The following PLAC9 variants were observed in gnomAD, a reference collection of about 807,000 sequenced individuals.
The protein encoded by PLAC9 is placenta-specific protein 9.
In PLAC9, 12 loss-of-function variants were observed where a neutral mutation model predicts 11.5. The observed-to-expected ratio is 1.05, with a 90% confidence interval of 0.67 to 1.69. The LOEUF is 1.69. PLAC9 is among the 40% of genes most tolerant of loss of function. The pLI is 0.00. For synonymous variants in PLAC9, 62 were observed against 58.1 expected (o/e 1.07, Z -0.31); for missense variants, 132 against 130.5 (o/e 1.01, Z -0.06).
At chr10:80,139,037 T>C (rs930740454) in intron 1 of PLAC9, among the ~76,000 whole-genome samples, 4 of 149,890 alleles carry the variant, frequency 2.7e-5, no homozygotes, top group South Asian at 2.1e-4. Context: ...CTGCAAGCTC[T>C]GCCTCCCGGG....
At chr10:80,138,430 T>C (rs1399767259) in intron 1 of PLAC9, among the ~76,000 whole-genome samples, 1 of 152,200 alleles carries the variant, frequency 6.6e-6, no homozygotes, top group Non-Finnish European at 1.5e-5. Context: ...CCATTATCTT[T>C]TGAAGAGTAT....
intron 1 of PLAC9, among the ~76,000 whole-genome samples, chr10:80,136,209 G>A (rs1844973287): frequency 6.6e-6 from 1 of 152,278 alleles, no homozygotes; most frequent in South Asian, 2.1e-4. Context: ...AGCACAGGAT[G>A]CCCCACCCAT....
intron 1 of PLAC9, among the ~76,000 whole-genome samples, chr10:80,141,599 A>AAAACAAAC (rs3834751): frequency 6.6e-6 from 1 of 151,746 alleles, no homozygotes; most frequent in East Asian, 1.9e-4. Flanking sequence ...ACTCCATCTC[A>AAAACAAAC]AAACAAACAA....
upstream of PLAC9, chr10:80,132,528 C>T (rs546227396): frequency 4.3e-4 from 185 of 434,770 alleles, 1 homozygote; most frequent in African/African-American, 3.5e-3. Context: ...GCCCCTTCCT[C>T]GGGAGGCGCC....
chr10:80,134,261 CTTTCT>C (rs1013360187), intron 1 of PLAC9, among the ~76,000 whole-genome samples: 8 of 140,920 alleles, frequency 5.7e-5, no homozygotes, highest in East Asian at 2.0e-4. Context: ...TTCTTTCTTT[CTTTCT>C]TTTTTTTTTT....
intron 1 of PLAC9, among the ~76,000 whole-genome samples, chr10:80,135,519 G>A (rs1180550612): frequency 6.6e-6 from 1 of 150,916 alleles, no homozygotes; most frequent in Non-Finnish European, 1.5e-5. Context: ...TAGAGACGGG[G>A]GCTGCGGGGG....
In PLAC9 at chr10:80,144,356, G is replaced by C; in HGVS notation, c.283+13G>C. ...GACCTTCTCGGAGGTGAGCAGTGCA[G>C]GTGGCAGAGGACAGCCTCTGGGCGG... On this transcript the variant is annotated intron_variant, in intron 3 of 3. Transcript: ENST00000372263. 1 of 1,586,088 alleles carries C rather than the reference G, an allele frequency of 6.3e-7. No homozygotes were observed. Among genetic ancestry groups the C allele is most frequent in the Non-Finnish European group, 8.5e-7 (1 of 1,170,986 alleles).
At chr10:80,135,469 G>A (rs1478091423) in intron 1 of PLAC9, among the ~76,000 whole-genome samples, 2 of 151,810 alleles carry the variant, frequency 1.3e-5, no homozygotes, top group East Asian at 3.9e-4. Context: ...GGGATTACAG[G>A]TGTGCACCAC....
intron 1 of PLAC9, among the ~76,000 whole-genome samples, chr10:80,141,070 C>G (rs1845035202): frequency 6.6e-6 from 1 of 152,154 alleles, no homozygotes; most frequent in African/African-American, 2.4e-5. Context: ...GCATGGTAAG[C>G]ACTCATCACA....
intron 1 of PLAC9, among the ~76,000 whole-genome samples, chr10:80,138,994 C>T: frequency 6.8e-6 from 1 of 147,788 alleles, no homozygotes; most frequent in Non-Finnish European, 1.5e-5. Flanking sequence ...CTCTGTCACC[C>T]AGGCTGGAGT....
intron 1 of PLAC9, among the ~76,000 whole-genome samples, chr10:80,133,845 G>A (rs1844941256): frequency 6.6e-6 from 1 of 151,734 alleles, no homozygotes; most frequent in Non-Finnish European, 1.5e-5. Flanking sequence ...TCGGCAGGCT[G>A]AGGCAGGAGA....
chr10:80,131,791 A>G (rs1844916440), upstream of PLAC9: 1 of 152,308 alleles, frequency 6.6e-6, no homozygotes, highest in South Asian at 2.1e-4. Context: ...AGCCAGGAAC[A>G]CAGAAGGCAG....
chr10:80,135,026 A>ATTT (rs1844958520), intron 1 of PLAC9, among the ~76,000 whole-genome samples: 1 of 151,414 alleles, frequency 6.6e-6, no homozygotes, highest in Non-Finnish European at 1.5e-5. Flanking sequence ...TTATTTATTT[A>ATTT]TTTATTTATT....
chr10:80,132,935 A>T, intron 1 of PLAC9, 109 bp downstream of exon 1: 1 of 917,698 alleles, frequency 1.1e-6, no homozygotes. Context: ...CAGCAGCGAG[A>T]TGGACAGAGA....
upstream of PLAC9, among the ~76,000 whole-genome samples, chr10:80,132,374 A>C (rs368689361): frequency 6.6e-6 from 1 of 152,236 alleles, no homozygotes; most frequent in South Asian, 2.1e-4. Context: ...CTTCCCTCCG[A>C]GTCTTAGTCT....
intron 2 of PLAC9, among the ~76,000 whole-genome samples, chr10:80,143,787 G>T (rs1428169172): frequency 6.6e-6 from 1 of 152,132 alleles, no homozygotes; most frequent in Non-Finnish European, 1.5e-5. Flanking sequence ...CTGAGAAGAG[G>T]TCTGTAGGCT....
rs1167544224 is a variant in PLAC9, at chr10:80,144,276, C to A, written c.216C>A (p.Gly72=). 2 of 1,613,792 alleles carry A rather than the reference C, an allele frequency of 1.2e-6. No homozygotes were observed. The highest frequency in any genetic ancestry group is 1.1e-5 in the South Asian group (1 of 91,086). Residue 72 remains glycine, a synonymous_variant, in exon 3 of 4, where the codon GGC becomes GGA. Coordinates refer to ENST00000372263, the MANE Select transcript of PLAC9 (RefSeq NM_001012973.3). ...GGACAGAGGTGAAAGGCCTGCTGGGCCTGCTGGAGGAGCTGGCCTGGAACC... is the reference window on the plus strand; with the variant it reads ...GGACAGAGGTGAAAGGCCTGCTGGGACTGCTGGAGGAGCTGGCCTGGAACC... The part of the protein sequence containing the change: ...HLGTEVKGLL[G]LLEELAWNLP...
intron 3 of PLAC9, 83 bp from the exon 4 acceptor site, chr10:80,144,817 A>G: frequency 7.3e-7 from 1 of 1,376,784 alleles, no homozygotes; most frequent in Non-Finnish European, 9.7e-7. Flanking sequence ...CGGGGAGGGA[A>G]GGGAAGGAAC....
At chr10:80,136,168 C>A (rs1162121641) in intron 1 of PLAC9, among the ~76,000 whole-genome samples, 1 of 152,164 alleles carries the variant, frequency 6.6e-6, no homozygotes, top group East Asian at 1.9e-4. Context: ...TCCTCTGGGG[C>A]CTCCGGGCTC....
Sources: allele counts gnomAD v4.1 joint callset (sites outside exome capture counted in the v4.1 genomes callset), GRCh38; gene constraint gnomAD v4.1.1; transcripts MANE v1.5; gene names NCBI Gene and HGNC (gene_info 2026-07-23, HGNC 2026-07-21).